The following CETP variants were observed in gnomAD, a reference collection of about 807,000 sequenced individuals.
The protein encoded by CETP is cholesteryl ester transfer protein.
Under a neutral mutation model 66.5 loss-of-function variants are expected in CETP, and 56 were observed. The observed-to-expected ratio is 0.84, with a 90% CI of 0.68 to 1.05. The LOEUF is 1.05. Among genes scored for constraint, CETP ranks in the 50% least tolerant of loss-of-function variants. The probability of loss-of-function intolerance (pLI) is 0.00; values close to 1 mark genes in which losing one functional copy is unlikely to be tolerated. For synonymous variants in CETP, 251 were observed against 245.7 expected (o/e 1.02, Z -0.20); for missense variants, 612 against 609.6 (o/e 1.00, Z -0.04).
At chr16:56,976,274 A>T (rs1195621979) in intron 10 of CETP, among the ~76,000 whole-genome samples, 1 of 152,152 alleles carries the variant, frequency 6.6e-6, no homozygotes, top group African/African-American at 2.4e-5. Context: ...CTTTTCAAGA[A>T]ATAAAACTGG....
intron 10 of CETP, among the ~76,000 whole-genome samples, chr16:56,976,430 T>C (rs2056150507): frequency 6.6e-6 from 1 of 152,174 alleles, no homozygotes; most frequent in Non-Finnish European, 1.5e-5. Flanking sequence ...AGTTGAAAGT[T>C]GACGAGGTCT....
chr16:56,964,896 G>A (rs1373241140), intron 2 of CETP, among the ~76,000 whole-genome samples: 4 of 152,206 alleles, frequency 2.6e-5, no homozygotes, highest in African/African-American at 9.6e-5. Flanking sequence ...AGCACTTTGG[G>A]AGGCCGAGGT....
intron 14 of CETP, among the ~76,000 whole-genome samples, chr16:56,982,703 T>A (rs1414851180): frequency 6.6e-6 from 1 of 152,228 alleles, no homozygotes; most frequent in African/African-American, 2.4e-5. Context: ...TCAGACACCA[T>A]AGCACACGTG....
rs533564754 is a variant in CETP, at chr16:56,966,342, C to A, written c.234-3044C>A. Among the ~76,000 whole-genome samples, 34 of 152,256 alleles carry A rather than the reference C, an allele frequency of 2.2e-4. No homozygotes were observed. The East Asian group carries it at 6.2e-3, about 28-fold the overall frequency. On this transcript the variant is annotated intron_variant, in intron 2 of 15. Transcript: ENST00000200676. ...GACTTTCTCATTTATGGTATTCTCC[C>A]CTGCTTTCCAGCAGCTGTGATTGTC...
At chr16:56,971,000 T>A (rs2056105476) in intron 5 of CETP, 33 bp from the exon 6 acceptor site, 2 of 1,610,848 alleles carry the variant, frequency 1.2e-6, no homozygotes, top group African/African-American at 2.7e-5. Context: ...ACAGGACTGG[T>A]CAGGGGCTCA....
intron 8 of CETP, among the ~76,000 whole-genome samples, chr16:56,972,864 G>C (rs527998615): frequency 6.6e-6 from 1 of 152,302 alleles, no homozygotes; most frequent in Admixed American, 6.5e-5. Context: ...TCATTTCAGA[G>C]GTTCATGGCC....
At chr16:56,969,831 C>A in intron 4 of CETP, 83 bp from the exon 5 acceptor site, 1 of 1,557,744 alleles carries the variant, frequency 6.4e-7, no homozygotes, top group Non-Finnish European at 8.8e-7. Flanking sequence ...CAGAGCTGGC[C>A]AAGCTCTTGA....
Position 56,983,634 on chromosome 16 carries a change from C to A in CETP, c.1450C>A (p.Leu484Met). ...GATGGACTTTGGCTTCCCTGAGCAC[C>A]TGCTGGTGGATTTCCTCCAGAGCTT... Reference protein sequence around the residue: ...LQMDFGFPEHLLVDFLQSLS With the variant: ...LQMDFGFPEHMLVDFLQSLS The change falls in exon 16 of 16, where the codon CTG becomes ATG. Residue 484 changes from leucine (L) to methionine (M), a missense_variant. Physicochemically the swap from Leu to Met is conservative, Grantham distance 15. Transcript: ENST00000200676. The A allele has an allele frequency of 1.2e-6, 2 of 1,614,184 alleles. No homozygotes were observed. Among genetic ancestry groups the A allele is most frequent in the South Asian group, 2.2e-5 (2 of 91,086 alleles).
chr16:56,973,539 G>A lies in CETP; in HGVS notation c.930+29G>A, dbSNP rs289714. The A allele has an allele frequency of 0.79, 1,282,027 of 1,612,824 alleles. 515,566 individuals carry two copies. Among genetic ancestry groups the A allele is most frequent in the Non-Finnish European group, 0.82 (971,010 of 1,179,442 alleles). On this transcript the variant is annotated intron_variant, in intron 9 of 15. Coordinates refer to ENST00000200676, the MANE Select transcript of CETP (RefSeq NM_000078.3). The stretch of plus-strand genomic sequence containing the variant: ...AGTGGGTGGGGCTGGGCTGCTAGGG[G>A]ATCCAGATGGCATGTGGTATGTGTG...
chr16:56,982,573 C>A lies in CETP; in HGVS notation c.1321+336C>A, dbSNP rs3794643. The stretch of plus-strand genomic sequence containing the variant: ...TCTGAGACCTAGTTCTAGCCCAGCC[C>A]TGAACCTCAGTTTCCCTTTCTGTGA... On this transcript the variant is annotated intron_variant, in intron 14 of 15. Transcript: ENST00000200676. Among the ~76,000 whole-genome samples the A allele has an allele frequency of 1.3e-3, 203 of 152,354 alleles. 4 individuals are homozygous for A. In the East Asian group the frequency reaches 0.023, roughly 17 times the overall value.
intron 11 of CETP, among the ~76,000 whole-genome samples, chr16:56,980,261 T>C (rs1017382219): frequency 1.3e-5 from 2 of 152,102 alleles, no homozygotes; most frequent in Non-Finnish European, 2.9e-5. Context: ...GTTTGTTTGT[T>C]TGTCTGTTTG....
intron 5 of CETP, among the ~76,000 whole-genome samples, 156 bp downstream of exon 5, chr16:56,970,157 C>G (rs1050347230): frequency 6.6e-6 from 1 of 152,182 alleles, no homozygotes; most frequent in African/African-American, 2.4e-5. Flanking sequence ...CTACCCCCTC[C>G]CATCAATACA....
intron 14 of CETP, 86 bp from the exon 15 acceptor site, chr16:56,983,240 G>T: frequency 9.7e-7 from 1 of 1,035,546 alleles, no homozygotes; most frequent in South Asian, 1.3e-5. Context: ...AAGGGTCTCA[G>T]CATCTCCCAC....
chr16:56,970,469 C>T (rs1286783072), intron 5 of CETP, among the ~76,000 whole-genome samples: 2 of 152,210 alleles, frequency 1.3e-5, no homozygotes, highest in Non-Finnish European at 2.9e-5. Flanking sequence ...CACAACTCGC[C>T]ACTAAGGGAT....
intron 13 of CETP, 75 bp from the exon 14 acceptor site, chr16:56,982,090 C>T: frequency 1.5e-6 from 2 of 1,360,484 alleles, no homozygotes; most frequent in Non-Finnish European, 2.1e-6. Context: ...AATGCTTGTC[C>T]AGGCCGTGCA....
At chr16:56,967,670 AAC>A (rs1281357413) in intron 2 of CETP, among the ~76,000 whole-genome samples, 1,431 of 72,656 alleles carry the variant, frequency 0.02, 8 homozygotes, top group African/African-American at 0.023. Flanking sequence ...AAAAAAAAAA[AAC>A]AATGGTATGA....
At chr16:56,983,284 C>T (rs1250194585) in intron 14 of CETP, 42 bp from the exon 15 acceptor site, 1 of 1,583,782 alleles carries the variant, frequency 6.3e-7, no homozygotes, top group Non-Finnish European at 8.7e-7. Context: ...GCCGGCCTTG[C>T]TCCCCAAGAA....
intron 10 of CETP, 144 bp from the exon 11 acceptor site, chr16:56,977,946 TG>T: frequency 1.2e-6 from 1 of 866,528 alleles, no homozygotes; most frequent in Non-Finnish European, 1.8e-6. Flanking sequence ...TTGCACAGCC[TG>T]GGGCCTGGGC....
intron 2 of CETP, among the ~76,000 whole-genome samples, chr16:56,968,581 A>G (rs1185196127): frequency 2.0e-5 from 3 of 152,168 alleles, no homozygotes; most frequent in Non-Finnish European, 2.9e-5. Context: ...TTACATTTCT[A>G]AGAATTTGTC....
Sources: allele counts gnomAD v4.1 joint callset (sites outside exome capture counted in the v4.1 genomes callset), GRCh38; gene constraint gnomAD v4.1.1; transcripts MANE v1.5; gene names NCBI Gene and HGNC (gene_info 2026-07-23, HGNC 2026-07-21).